The following MARCHF8 variants were observed in gnomAD, a reference collection of about 807,000 sequenced individuals.
MARCHF8 encodes E3 ubiquitin-protein ligase MARCHF8.
In MARCHF8, 40 loss-of-function variants were observed where a neutral mutation model predicts 51.6. The ratio of observed to expected loss-of-function variants is 0.77; its 90% CI spans 0.60 to 1.01. The LOEUF (loss-of-function observed/expected upper bound fraction) is 1.01, where lower values mean the gene tolerates loss of function less well. MARCHF8 is among the 50% of genes least tolerant of loss of function. MARCHF8 has a pLI of 0.00. For synonymous variants in MARCHF8, 263 were observed against 280.3 expected (o/e 0.94, Z 0.62); for missense variants, 685 against 708.6 (o/e 0.97, Z 0.38).
In MARCHF8 at chr10:45,469,859, C is replaced by T. The variant is rs190920563; in HGVS notation, c.154-5532G>A. 1.6e-3 allele frequency among the ~76,000 whole-genome samples: 122 copies of T among 76,234 alleles called. 1 individual carries two copies. The highest frequency in any genetic ancestry group is 0.024 in the Middle Eastern group (2 of 84). 50.0% of individuals were successfully genotyped at this position (76,234 alleles called of 152,430 possible). ...CAGCCTGGGCGACAGAGTGAGACTC[C>T]GTCTCAAAAAAAAAAAAAAAAAAAA... On this transcript the variant is annotated intron_variant, in intron 3 of 7. Transcript: ENST00000453424.
intron 3 of MARCHF8, among the ~76,000 whole-genome samples, chr10:45,479,670 T>C (rs949220050): frequency 2.0e-5 from 3 of 152,202 alleles, no homozygotes; most frequent in Admixed American, 1.3e-4. Context: ...TCTGCCGCCA[T>C]GTAAGTAAGA....
intron 1 of MARCHF8, among the ~76,000 whole-genome samples, chr10:45,541,174 T>C (rs2044046594): frequency 6.6e-6 from 1 of 152,200 alleles, no homozygotes; most frequent in Non-Finnish European, 1.5e-5. Flanking sequence ...CCAACCCAAA[T>C]GTCCAACAAT....
intron 6 of MARCHF8, among the ~76,000 whole-genome samples, chr10:45,460,599 A>T (rs1842755238): frequency 6.6e-6 from 1 of 152,194 alleles, no homozygotes; most frequent in Non-Finnish European, 1.5e-5. Context: ...ATCTAGAGAG[A>T]TATATGAAAC....
At chr10:45,557,576 C>G (rs189475874) in intron 1 of MARCHF8, among the ~76,000 whole-genome samples, 51 of 152,180 alleles carry the variant, frequency 3.4e-4, no homozygotes, top group Non-Finnish European at 5.9e-4. Flanking sequence ...AACAACCAGT[C>G]CTTAAAGAAA....
At position 45,458,175 on chromosome 10, in the gene MARCHF8, T is replaced by C; in HGVS notation, c.*64A>G. 6 of 1,483,490 alleles carry C rather than the reference T, an allele frequency of 4.0e-6. No individual in the cohort carries two copies. Among genetic ancestry groups the C allele is most frequent in the East Asian group, 2.3e-5 (1 of 44,228 alleles). 91.9% of individuals were successfully genotyped at this position (1,483,490 alleles called of 1,614,324 possible). On this transcript the variant is annotated 3_prime_UTR_variant, in exon 8 of 8. Transcript: ENST00000453424. The stretch of plus-strand genomic sequence containing the variant: ...TAAAGGACATAAGAAAGGTATACAA[T>C]TGGCAGTAAACAATTTCCTTCAGCT...
At chr10:45,490,438 A>C (rs2043060883) in intron 2 of MARCHF8, among the ~76,000 whole-genome samples, 1 of 152,162 alleles carries the variant, frequency 6.6e-6, no homozygotes, top group South Asian at 2.1e-4. Flanking sequence ...CAATGTGAAC[A>C]CAGAGGGAGA....
chr10:45,497,342 G>A (rs550342083), intron 2 of MARCHF8, among the ~76,000 whole-genome samples: 2 of 152,210 alleles, frequency 1.3e-5, no homozygotes, highest in South Asian at 4.1e-4. Context: ...CTGAAAAACA[G>A]ATAATACTTG....
intron 1 of MARCHF8, among the ~76,000 whole-genome samples, chr10:45,591,765 G>A (rs899423072): frequency 8.5e-5 from 13 of 152,150 alleles, no homozygotes; most frequent in Non-Finnish European, 1.8e-4. Context: ...ACACAATATT[G>A]TAAAGTATTT....
At chr10:45,518,578 C>T (rs2043656724) in intron 2 of MARCHF8, among the ~76,000 whole-genome samples, 1 of 152,196 alleles carries the variant, frequency 6.6e-6, no homozygotes, top group Non-Finnish European at 1.5e-5. Context: ...TCCTCAAACA[C>T]TGCCCAATAC....
chr10:45,498,985 T>C (rs539793581), intron 2 of MARCHF8, among the ~76,000 whole-genome samples: 2 of 152,224 alleles, frequency 1.3e-5, no homozygotes, highest in African/African-American at 2.4e-5. Flanking sequence ...ATTTCCTGGG[T>C]CATACAGTAA....
intron 1 of MARCHF8, among the ~76,000 whole-genome samples, chr10:45,575,646 CCAA>C (rs1226246977): frequency 6.6e-6 from 1 of 152,138 alleles, no homozygotes; most frequent in Non-Finnish European, 1.5e-5. Flanking sequence ...TTTCGCTACC[CCAA>C]CACTTTACCA....
At chr10:45,570,413 G>A (rs1006458241) in intron 1 of MARCHF8, among the ~76,000 whole-genome samples, 4 of 152,030 alleles carry the variant, frequency 2.6e-5, no homozygotes, top group Non-Finnish European at 5.9e-5. Context: ...AGCATTTGAC[G>A]AAGTTCCATA....
rs949392368 is a variant in MARCHF8 at position 45,513,228 on chromosome 10, A to T, written c.102+19882T>A. Among the ~76,000 whole-genome samples, 54 of 152,182 alleles carry T rather than the reference A, an allele frequency of 3.5e-4. 1 individual carries two copies. The highest frequency in any genetic ancestry group is 7.5e-4 in the African/African-American group (31 of 41,482). Reference sequence around the variant, plus strand: ...ACACCCAAGAATGATCAATTAAAAAAAAATAAATAAAATAAAATAAAAAAG... The same window carrying T: ...ACACCCAAGAATGATCAATTAAAAATAAATAAATAAAATAAAATAAAAAAG... On this transcript the variant is annotated intron_variant, in intron 2 of 7. Transcript: ENST00000453424.
chr10:45,485,566 A>C (rs1403006858), intron 3 of MARCHF8, among the ~76,000 whole-genome samples: 2 of 152,194 alleles, frequency 1.3e-5, no homozygotes, highest in African/African-American at 4.8e-5. Flanking sequence ...CATCTCATCC[A>C]ACCTACCTGC....
intron 1 of MARCHF8, among the ~76,000 whole-genome samples, chr10:45,581,794 A>G (rs1281281083): frequency 6.6e-6 from 1 of 152,180 alleles, no homozygotes; most frequent in East Asian, 1.9e-4. Context: ...CAAAGTTCCC[A>G]GCTTAGTTTA....
rs1052006990 is a variant in MARCHF8, at chr10:45,463,376, T to C, written c.863A>G (p.His288Arg). The C allele has an allele frequency of 1.3e-6, 2 of 1,550,622 alleles. No individual in the cohort carries two copies. Among genetic ancestry groups the C allele is most frequent in the African/African-American group, 2.7e-5 (2 of 73,060 alleles). Residue 288 changes from histidine (H) to arginine (R), a missense_variant, in exon 5 of 8, where the codon CAC becomes CGC. Coordinates refer to ENST00000453424, the MANE Select transcript of MARCHF8 (RefSeq NM_001282866.2). ...HELESCAARLHTAKSSSGLAG... is the reference protein window; with the variant it reads ...HELESCAARLRTAKSSSGLAG... ...CAGCCCGCTGGAGGACTTGGCAGTG[T>C]GCAGGCGAGCAGCGCAGCTCTCCAG...
At chr10:45,472,160 C>T (rs1589087181) in intron 3 of MARCHF8, among the ~76,000 whole-genome samples, 1 of 152,182 alleles carries the variant, frequency 6.6e-6, no homozygotes, top group Non-Finnish European at 1.5e-5. Context: ...CCCTCCTCCT[C>T]CTCCCAGGAA....
At chr10:45,541,478 G>A (rs1360339357) in intron 1 of MARCHF8, among the ~76,000 whole-genome samples, 1 of 152,144 alleles carries the variant, frequency 6.6e-6, no homozygotes, top group Admixed American at 6.6e-5. Context: ...TAAATGAAGA[G>A]TTAATGGGTG....
At chr10:45,544,296 T>G (rs537012022) in intron 1 of MARCHF8, among the ~76,000 whole-genome samples, 1 of 152,324 alleles carries the variant, frequency 6.6e-6, no homozygotes, top group Non-Finnish European at 1.5e-5. Context: ...TATAGATACT[T>G]GGAAAATAGT....
Sources: allele counts gnomAD v4.1 joint callset (sites outside exome capture counted in the v4.1 genomes callset), GRCh38; gene constraint gnomAD v4.1.1; transcripts MANE v1.5; gene names NCBI Gene and HGNC (gene_info 2026-07-23, HGNC 2026-07-21).